FHOD3: variants seen among roughly 807,000 people sequenced by gnomAD.
FHOD3 encodes the protein FH1/FH2 domain-containing protein 3.
Under a neutral mutation model 173.0 loss-of-function variants are expected in FHOD3, and 90 were observed. The ratio of observed to expected loss-of-function variants is 0.52; its 90% CI spans 0.44 to 0.62. The LOEUF is 0.62. Ranked by LOEUF, FHOD3 falls within the 20% of genes least tolerant of loss-of-function variation. FHOD3 has a pLI of 0.00. For missense variants in FHOD3, 1,945 were observed against 2,034.7 expected (o/e 0.96, Z 0.85); for synonymous variants, 828 against 823.0 (o/e 1.01, Z -0.10).
At chr18:36,647,640 TAC>T (rs2149060256) in intron 10 of FHOD3, among the ~76,000 whole-genome samples, 1 of 152,332 alleles carries the variant, frequency 6.6e-6, no homozygotes, top group South Asian at 2.1e-4. Context: ...AGAAGACATG[TAC>T]TACACTGTTT....
At chr18:36,602,561 G>A (rs1461899912) in intron 7 of FHOD3, 113 bp from the exon 8 acceptor site, 2 of 800,532 alleles carry the variant, frequency 2.5e-6, no homozygotes, top group Non-Finnish European at 4.4e-6. Flanking sequence ...GAAATTTGGT[G>A]ACTGAAAGAC....
At chr18:36,356,171 A>C (rs1054899736) in intron 2 of FHOD3, among the ~76,000 whole-genome samples, 1 of 152,272 alleles carries the variant, frequency 6.6e-6, no homozygotes, top group Non-Finnish European at 1.5e-5. Context: ...GTATTCAATG[A>C]TAATTTACTG....
chr18:36,702,772 G>A (rs1035493173), intron 17 of FHOD3, among the ~76,000 whole-genome samples: 1 of 152,214 alleles, frequency 6.6e-6, no homozygotes, highest in African/African-American at 2.4e-5. Flanking sequence ...TCAGGGACGT[G>A]GATGAAAGCA....
intron 5 of FHOD3, among the ~76,000 whole-genome samples, chr18:36,517,681 A>G (rs1373103811): frequency 6.6e-6 from 1 of 152,228 alleles, no homozygotes; most frequent in African/African-American, 2.4e-5. Flanking sequence ...TAAAAGCTGG[A>G]TAAGATCTTA....
At chr18:36,589,222 A>G (rs1046227906) in intron 6 of FHOD3, among the ~76,000 whole-genome samples, 1 of 152,240 alleles carries the variant, frequency 6.6e-6, no homozygotes, top group Non-Finnish European at 1.5e-5. Context: ...ATTATTTCAG[A>G]TTTCTGTTAT....
At chr18:36,346,356 A>G (rs1171626177) in intron 1 of FHOD3, among the ~76,000 whole-genome samples, 2 of 152,062 alleles carry the variant, frequency 1.3e-5, no homozygotes, top group African/African-American at 4.8e-5. Flanking sequence ...ACAGAGTGAG[A>G]CCCTGCCTCA....
intron 1 of FHOD3, among the ~76,000 whole-genome samples, chr18:36,318,817 G>T (rs2144878126): frequency 6.6e-6 from 1 of 152,280 alleles, no homozygotes; most frequent in African/African-American, 2.4e-5. Context: ...CAAAGGGAAT[G>T]CTTCTAGTTT....
intron 9 of FHOD3, 144 bp from the exon 10 acceptor site, chr18:36,625,367 G>C: frequency 1.5e-6 from 1 of 647,160 alleles, no homozygotes. Context: ...TGGTTGTGAA[G>C]ACCTGGCAGG....
At chr18:36,710,725 T>C (rs549079870) in intron 18 of FHOD3, 2 of 152,344 alleles carry the variant, frequency 1.3e-5, no homozygotes, top group South Asian at 2.1e-4. Context: ...AGAGGTATTA[T>C]ATATACTGAT....
intron 5 of FHOD3, among the ~76,000 whole-genome samples, chr18:36,524,905 G>T (rs2056444220): frequency 6.6e-6 from 1 of 152,140 alleles, no homozygotes; most frequent in Non-Finnish European, 1.5e-5. Context: ...TCTGAGTAAA[G>T]GGTAGCAGAG....
chr18:36,639,612 G>A (rs527483045), intron 10 of FHOD3, among the ~76,000 whole-genome samples: 3 of 150,724 alleles, frequency 2.0e-5, no homozygotes, highest in Non-Finnish European at 2.9e-5. Context: ...GCAGTGAGCG[G>A]AGATCGTGCC....
chr18:36,600,252 A>AACACACAC (rs67473480), intron 7 of FHOD3, among the ~76,000 whole-genome samples: 8,325 of 143,024 alleles, frequency 0.058, 299 homozygotes, highest in East Asian at 0.17. Flanking sequence ...TCTCCTCTGC[A>AACACACAC]ACACACACAC....
At chr18:36,558,551 T>A (rs888333165) in intron 5 of FHOD3, among the ~76,000 whole-genome samples, 1 of 152,204 alleles carries the variant, frequency 6.6e-6, no homozygotes, top group Non-Finnish European at 1.5e-5. Flanking sequence ...GACCTAATAA[T>A]CCTACTTCTG....
intron 9 of FHOD3, among the ~76,000 whole-genome samples, chr18:36,617,287 C>T (rs12457694): frequency 0.064 from 9,757 of 152,208 alleles, 458 homozygotes; most frequent in East Asian, 0.22. Context: ...GATCATCAGC[C>T]AGATGCTTTA....
chr18:36,733,637 T>G, intron 20 of FHOD3, among the ~76,000 whole-genome samples: 1 of 152,182 alleles, frequency 6.6e-6, no homozygotes, highest in Non-Finnish European at 1.5e-5. Context: ...AAATTATTAT[T>G]TTTTCTTGTC....
intron 13 of FHOD3, among the ~76,000 whole-genome samples, chr18:36,655,391 CG>C (rs1318768221): frequency 2.6e-5 from 4 of 152,016 alleles, no homozygotes; most frequent in Non-Finnish European, 4.4e-5. Flanking sequence ...AGACCCTTCC[CG>C]TTTGGTCTGC....
In FHOD3 at chr18:36,512,843, A is replaced by T. The variant is rs141785851; in HGVS notation, c.511+300A>T. On this transcript the variant is annotated intron_variant, in intron 5 of 28. Transcript: ENST00000590592. ...TGTCTTATTTGTCCAGGAAGGAGAC[A>T]TACTAAATGGGCTTGGGTAAAGCCT... 3.2e-3 allele frequency among the ~76,000 whole-genome samples: 489 copies of T among 152,338 alleles called. 3 individuals carry two copies. Among genetic ancestry groups the T allele is most frequent in the African/African-American group, 0.011 (478 of 41,576 alleles).
At chr18:36,671,700 T>G (rs1414570122) in intron 14 of FHOD3, among the ~76,000 whole-genome samples, 2 of 152,252 alleles carry the variant, frequency 1.3e-5, no homozygotes, top group Admixed American at 1.3e-4. Flanking sequence ...AACATGTGTT[T>G]TTGTGGCATT....
At chr18:36,493,975 C>CTG in intron 3 of FHOD3, among the ~76,000 whole-genome samples, 1 of 152,172 alleles carries the variant, frequency 6.6e-6, no homozygotes, top group East Asian at 1.9e-4. Flanking sequence ...TTTTATAGAC[C>CTG]CCAAAGCGTG....
Sources: allele counts gnomAD v4.1 joint callset (sites outside exome capture counted in the v4.1 genomes callset), GRCh38; gene constraint gnomAD v4.1.1; transcripts MANE v1.5; gene names NCBI Gene and HGNC (gene_info 2026-07-23, HGNC 2026-07-21).